The following AIG1 variants were observed in gnomAD, a reference collection of about 807,000 sequenced individuals.
AIG1 encodes the protein androgen induced 1.
A neutral mutation model predicts 31.4 loss-of-function variants in AIG1; 23 were observed. The ratio of observed to expected loss-of-function variants is 0.73; its 90% CI spans 0.53 to 1.04. The LOEUF (loss-of-function observed/expected upper bound fraction) is 1.04. Among genes scored for constraint, AIG1 ranks in the 50% least tolerant of loss-of-function variants. AIG1 has a pLI of 0.00. For missense variants in AIG1, 274 were observed against 295.0 expected (o/e 0.93, Z 0.52); for synonymous variants, 100 against 110.5 (o/e 0.90, Z 0.60).
intron 3 of AIG1, among the ~76,000 whole-genome samples, chr6:143,196,854 C>T (rs895787457): frequency 6.6e-5 from 10 of 152,046 alleles, no homozygotes; most frequent in African/African-American, 2.2e-4. Context: ...GAAAAAAAAA[C>T]TCTTCAGGAG....
chr6:143,167,489 C>T (rs1230411413), intron 3 of AIG1, among the ~76,000 whole-genome samples: 2 of 152,190 alleles, frequency 1.3e-5, no homozygotes, highest in Non-Finnish European at 2.9e-5. Context: ...GTCTCGGCCA[C>T]TTTGGCTTAT....
At chr6:143,187,564 A>T in intron 3 of AIG1, 1 of 1,536,084 alleles carries the variant, frequency 6.5e-7, no homozygotes, top group Non-Finnish European at 8.7e-7. Flanking sequence ...GCATAAAAAT[A>T]TGAAAAGCAA....
At chr6:143,084,333 T>G (rs936697939) in intron 1 of AIG1, among the ~76,000 whole-genome samples, 1 of 152,172 alleles carries the variant, frequency 6.6e-6, no homozygotes, top group African/African-American at 2.4e-5. Flanking sequence ...GTGGCTTATT[T>G]CTATTCGGAC....
chr6:143,060,835 C>T, upstream of AIG1: 6 of 768,940 alleles, frequency 7.8e-6, no homozygotes, highest in Non-Finnish European at 9.4e-6. Flanking sequence ...GCGCCCGCGC[C>T]CGGGTTCCCA....
intron 2 of AIG1, 35 bp from the exon 3 acceptor site, chr6:143,165,047 T>C (rs2128564163): frequency 6.8e-7 from 1 of 1,471,554 alleles, no homozygotes; most frequent in Non-Finnish European, 9.5e-7. Context: ...GGATAGTCGA[T>C]GAACTTGAAA....
At chr6:143,074,048 C>T (rs1777525412) in intron 1 of AIG1, among the ~76,000 whole-genome samples, 1 of 152,188 alleles carries the variant, frequency 6.6e-6, no homozygotes, top group Admixed American at 6.6e-5. Flanking sequence ...CTTATTTGGA[C>T]AAATGTCTAT....
chr6:143,143,493 T>C (rs1276761259), intron 2 of AIG1, among the ~76,000 whole-genome samples: 1 of 74,454 alleles, frequency 1.3e-5, no homozygotes, highest in African/African-American at 5.3e-5. Flanking sequence ...AGAGCGAGAC[T>C]TCATCTCAAA....
intron 3 of AIG1, among the ~76,000 whole-genome samples, chr6:143,230,614 C>A (rs904540186): frequency 1.3e-5 from 2 of 150,214 alleles, no homozygotes; most frequent in African/African-American, 2.4e-5. Context: ...ATATCCTATG[C>A]ATTAATAAGA....
At chr6:143,264,933 C>T (rs766458254) in intron 3 of AIG1, among the ~76,000 whole-genome samples, 19 of 152,258 alleles carry the variant, frequency 1.2e-4, no homozygotes, top group Non-Finnish European at 2.1e-4. Flanking sequence ...TTTGCAGCTT[C>T]GCAATGACAA....
chr6:143,242,398 C>G (rs1486618060), intron 3 of AIG1, among the ~76,000 whole-genome samples: 1 of 152,212 alleles, frequency 6.6e-6, no homozygotes, highest in Admixed American at 6.5e-5. Context: ...TGAAACTCTA[C>G]TGTATGGCAG....
At chr6:143,184,858 A>G (rs1044763565) in intron 3 of AIG1, among the ~76,000 whole-genome samples, 1 of 152,226 alleles carries the variant, frequency 6.6e-6, no homozygotes, top group African/African-American at 2.4e-5. Context: ...AAAGATGGTC[A>G]GCTAAAGAGA....
chr6:143,103,683 A>G (rs952524222), intron 1 of AIG1, among the ~76,000 whole-genome samples: 1 of 150,750 alleles, frequency 6.6e-6, no homozygotes, highest in Non-Finnish European at 1.5e-5. Flanking sequence ...AATTTTTTGT[A>G]TTTTTAGTAG....
At chr6:143,193,116 G>A (rs1789938383) in intron 3 of AIG1, among the ~76,000 whole-genome samples, 2 of 152,168 alleles carry the variant, frequency 1.3e-5, no homozygotes, top group African/African-American at 2.4e-5. Flanking sequence ...TGCCTGCTCT[G>A]CAAAACCACT....
intron 3 of AIG1, among the ~76,000 whole-genome samples, chr6:143,213,916 G>A (rs1418447801): frequency 9.2e-5 from 14 of 152,080 alleles, no homozygotes; most frequent in South Asian, 2.1e-4. Context: ...TGTCTATTTT[G>A]ATAATTCTTA....
At chr6:143,135,478 T>C (rs1783649870) in intron 1 of AIG1, among the ~76,000 whole-genome samples, 2 of 152,190 alleles carry the variant, frequency 1.3e-5, no homozygotes, top group Non-Finnish European at 2.9e-5. Flanking sequence ...TTTTATTGTG[T>C]CGTTCTCAAT....
chr6:143,334,333 C>T lies in AIG1; in HGVS notation c.679+888C>T, dbSNP rs372752431. Among the ~76,000 whole-genome samples, 2 of 152,168 alleles carry T rather than the reference C, an allele frequency of 1.3e-5. No homozygotes were observed. The highest frequency in any genetic ancestry group is 4.1e-4 in the South Asian group (2 of 4,826). On this transcript the variant is annotated intron_variant, in intron 5 of 5. Transcript: ENST00000357847. This position sits in a 1 kb window ranked among gnomAD's most constrained non-coding sequence, Gnocchi z 5.1. ...ACTCTGTGACACAGACATTGAGCAC[C>T]CTGCTTTGTGCCAGACACCCTGCCA...
intron 3 of AIG1, among the ~76,000 whole-genome samples, chr6:143,234,236 C>T (rs1003696491): frequency 6.6e-6 from 1 of 152,156 alleles, no homozygotes; most frequent in Non-Finnish European, 1.5e-5. Context: ...AGGCAATTAG[C>T]CTTTTCAAAG....
intron 1 of AIG1, among the ~76,000 whole-genome samples, chr6:143,135,414 T>G (rs1196332739): frequency 1.3e-5 from 2 of 152,144 alleles, no homozygotes; most frequent in African/African-American, 4.8e-5. Flanking sequence ...ATGAAATTAT[T>G]CCCTGAGTCA....
At chr6:143,335,724 G>A (rs1269466958) in intron 5 of AIG1, among the ~76,000 whole-genome samples, 2 of 151,996 alleles carry the variant, frequency 1.3e-5, no homozygotes, top group Non-Finnish European at 2.9e-5. Flanking sequence ...GGAGGCTAAG[G>A]TGGGCAGATC....
Sources: gnomAD v4.1 joint callset for allele counts (sites outside exome capture counted in the v4.1 genomes callset) on GRCh38, gnomAD v4.1.1 for gene constraint, Gnocchi (gnomAD v3.1) non-coding constraint, MANE v1.5 for transcripts, NCBI Gene and HGNC (gene_info 2026-07-23, HGNC 2026-07-21) for gene names.